FER1L6: variants seen among roughly 807,000 people sequenced by gnomAD.
FER1L6 encodes fer-1 like family member 6, also known as fer-1-like protein 6.
In FER1L6, 177 loss-of-function variants were observed where a neutral mutation model predicts 219.2. The ratio of observed to expected loss-of-function variants is 0.81; its 90% confidence interval spans 0.71 to 0.91. FER1L6 has a LOEUF of 0.91. Among genes scored for constraint, FER1L6 ranks in the 40% least tolerant of loss-of-function variants. The probability of loss-of-function intolerance (pLI) is 0.00; values close to 1 mark genes in which losing one functional copy is unlikely to be tolerated. For missense variants in FER1L6, 2,153 were observed against 2,259.9 expected, an observed-to-expected ratio of 0.95 and a Z score of 0.96; for synonymous variants, 768 against 824.3, an observed-to-expected ratio of 0.93 and a Z score of 1.17.
At chr8:124,044,306 G>A (rs144588562) in intron 20 of FER1L6, among the ~76,000 whole-genome samples, 1 of 152,204 alleles carries the variant, frequency 6.6e-6, no homozygotes, top group Non-Finnish European at 1.5e-5. Flanking sequence ...TATTGGAAAA[G>A]TTAGATTTTC....
chr8:124,048,993 C>G (rs1819860990), intron 21 of FER1L6, among the ~76,000 whole-genome samples: 1 of 152,150 alleles, frequency 6.6e-6, no homozygotes, highest in Non-Finnish European at 1.5e-5. Flanking sequence ...AGAGATAGCC[C>G]CTAAGATAGC....
At chr8:124,044,164 A>G (rs982588204) in intron 20 of FER1L6, among the ~76,000 whole-genome samples, 2 of 152,248 alleles carry the variant, frequency 1.3e-5, no homozygotes, top group Non-Finnish European at 2.9e-5. Context: ...AGTGCATGCT[A>G]CAAGACACAT....
rs193102533 is a variant in FER1L6 at position 124,115,340 on chromosome 8, C to T, written c.5290-3504C>T. Reference sequence around the variant, plus strand: ...CAGGACAGGAAACCTCTGTGAAGAACGATACCCAGAGCAGCGGCATTTATC... The same window carrying T: ...CAGGACAGGAAACCTCTGTGAAGAATGATACCCAGAGCAGCGGCATTTATC... On this transcript the variant is annotated intron_variant, in intron 39 of 40. Coordinates refer to ENST00000522917, the MANE Select transcript of FER1L6 (RefSeq NM_001039112.2). Among the ~76,000 whole-genome samples, 10 of 152,054 alleles carry T rather than the reference C, an allele frequency of 6.6e-5. No homozygotes were observed. The East Asian group carries it at 1.5e-3, about 24-fold the overall frequency.
At chr8:124,097,013 T>C (rs1432299104) in intron 35 of FER1L6, among the ~76,000 whole-genome samples, 4 of 152,000 alleles carry the variant, frequency 2.6e-5, no homozygotes, top group South Asian at 4.2e-4. Flanking sequence ...CCCTAGTTGA[T>C]GCTCAATAAA....
At chr8:123,993,434 T>C (rs1586564430) in intron 12 of FER1L6, among the ~76,000 whole-genome samples, 2 of 127,942 alleles carry the variant, frequency 1.6e-5, no homozygotes, top group Non-Finnish European at 1.6e-5. Context: ...AGAGCGAGAC[T>C]CCGTCTCAAA....
chr8:124,050,487 T>C (rs753659244), intron 22 of FER1L6, among the ~76,000 whole-genome samples: 17 of 151,848 alleles, frequency 1.1e-4, no homozygotes, highest in East Asian at 1.9e-4. Context: ...AGTGAGTAGG[T>C]TGAGGGGCCT....
At chr8:123,918,436 A>T (rs1813255386) in intron 1 of FER1L6, among the ~76,000 whole-genome samples, 1 of 152,304 alleles carries the variant, frequency 6.6e-6, no homozygotes, top group South Asian at 2.1e-4. Flanking sequence ...ATAATTCTAT[A>T]ATTATCATCC....
At chr8:124,047,640 G>A (rs1819796300) in intron 21 of FER1L6, 1 of 151,972 alleles carries the variant, frequency 6.6e-6, no homozygotes, top group South Asian at 2.1e-4. Context: ...GGCTTTTCCT[G>A]GCCCAACCCT....
chr8:123,960,410 G>A (rs1001253952), intron 2 of FER1L6, among the ~76,000 whole-genome samples: 2 of 152,164 alleles, frequency 1.3e-5, no homozygotes, highest in African/African-American at 4.8e-5. Flanking sequence ...AGAATCTAGG[G>A]TGGAGAGGAA....
At chr8:123,882,474 A>G (rs922486609) in intron 1 of FER1L6, among the ~76,000 whole-genome samples, 1 of 152,190 alleles carries the variant, frequency 6.6e-6, no homozygotes, top group Non-Finnish European at 1.5e-5. Flanking sequence ...GCCCACATCT[A>G]TCTGGTTTAT....
Position 124,049,729 on chromosome 8 carries a change from T to A in FER1L6, c.2847T>A (p.Asp949Glu), listed in dbSNP as rs766398763. The A allele has an allele frequency of 2.5e-6, 4 of 1,613,908 alleles. No homozygotes were observed. In the Admixed American group the frequency reaches 6.7e-5, roughly 27 times the overall value. ...PIFCGNLSGG[D>E]LLAVFELLQV... ...TTTGTGGGAATCTCTCTGGAGGGGA[T>A]CTCCTTGCTGTATTTGAACTGCTGC... Residue 949 changes from aspartate (D) to glutamate (E), a missense_variant, in exon 22 of 41, where the codon GAT becomes GAA. Asp to Glu is a conservative substitution (Grantham distance 45, BLOSUM62 2). Coordinates refer to ENST00000522917, the MANE Select transcript of FER1L6 (RefSeq NM_001039112.2).
At position 124,069,354 on chromosome 8, in the gene FER1L6, C is replaced by T; in HGVS notation, c.3719-6C>T. ...GAGAAACCTAATTTCTGCTGAATAT[C>T]CACAGAGGCAAAGCCAGATGAGGTA... is the stretch of plus-strand genomic sequence containing the variant. On this transcript the variant is annotated splice_polypyrimidine_tract_variant and splice_region_variant and intron_variant, in intron 28 of 40. Coordinates refer to ENST00000522917, the MANE Select transcript of FER1L6 (RefSeq NM_001039112.2). 6.2e-7 allele frequency: 1 copy of T among 1,603,684 alleles called. No homozygotes were observed. Among genetic ancestry groups the T allele is most frequent in the African/African-American group, 1.3e-5 (1 of 74,654 alleles).
intron 1 of FER1L6, among the ~76,000 whole-genome samples, chr8:123,855,985 TATATGTATATAC>T (rs1466967065): frequency 1.4e-5 from 2 of 143,154 alleles, no homozygotes; most frequent in Admixed American, 1.4e-4. Flanking sequence ...GTATATGAGA[TATATGTATATAC>T]ATATGTATAT....
At chr8:124,097,701 C>A in intron 36 of FER1L6, 84 bp from the exon 37 acceptor site, 1 of 796,596 alleles carries the variant, frequency 1.3e-6, no homozygotes, top group Non-Finnish European at 2.2e-6. Flanking sequence ...AACTTATAGA[C>A]CAAAGGCAAT....
chr8:124,040,956 T>A (rs764920126), intron 20 of FER1L6, among the ~76,000 whole-genome samples: 124 of 152,364 alleles, frequency 8.1e-4, no homozygotes, highest in African/African-American at 2.8e-3. Context: ...AATCATAGTA[T>A]GGGTCTGTGC....
intron 1 of FER1L6, among the ~76,000 whole-genome samples, chr8:123,888,158 C>T (rs7832456): frequency 0.027 from 4,144 of 151,894 alleles, 193 homozygotes; most frequent in African/African-American, 0.095. Context: ...ACTCTGTCTC[C>T]CATGTTGGAG....
intron 2 of FER1L6, among the ~76,000 whole-genome samples, chr8:123,963,041 G>T (rs1172025879): frequency 6.6e-6 from 1 of 152,160 alleles, no homozygotes; most frequent in Non-Finnish European, 1.5e-5. Flanking sequence ...TCTTTTCACA[G>T]TCCCATCCAC....
chr8:124,032,010 A>G (rs1470329493), intron 18 of FER1L6, among the ~76,000 whole-genome samples: 1 of 152,218 alleles, frequency 6.6e-6, no homozygotes, highest in Non-Finnish European at 1.5e-5. Flanking sequence ...GTCTTTGTGG[A>G]ACACTTTCAC....
At chr8:123,966,606 A>C (rs1185678429) in intron 5 of FER1L6, among the ~76,000 whole-genome samples, 1 of 152,202 alleles carries the variant, frequency 6.6e-6, no homozygotes, top group Non-Finnish European at 1.5e-5. Flanking sequence ...AATTGATTGA[A>C]TGTCGGTTAG....
Sources: allele counts gnomAD v4.1 joint callset (sites outside exome capture counted in the v4.1 genomes callset), GRCh38; gene constraint gnomAD v4.1.1; transcripts MANE v1.5; gene names NCBI Gene and HGNC (gene_info 2026-07-23, HGNC 2026-07-21).